Variants in DLGAP2 observed in about 807,000 individuals in gnomAD.
DLGAP2 encodes the protein DLG associated protein 2.
Under a neutral mutation model 100.3 loss-of-function variants are expected in DLGAP2, and 26 were observed. The ratio of observed to expected loss-of-function variants is 0.26; its 90% CI spans 0.19 to 0.36. The LOEUF (loss-of-function observed/expected upper bound fraction) is 0.36, where lower values mean the gene tolerates loss of function less well. Ranked by LOEUF, DLGAP2 falls within the 10% of genes least tolerant of loss-of-function variation. DLGAP2 has a pLI of 1.00. For synonymous variants in DLGAP2, 886 were observed against 630.1 expected (o/e 1.41, Z -6.08); for missense variants, 1,858 against 1,453.2 (o/e 1.28, Z -4.53).
chr8:1,549,592 A>C lies in DLGAP2; in HGVS notation c.1139A>C (p.Lys380Thr). The change falls in exon 5 of 15, where the codon AAG (lysine) becomes ACG (threonine). Residue 380 changes from lysine (K) to threonine (T), a missense_variant. By Grantham distance (78) the Lys-to-Thr change is moderately conservative. Coordinates refer to ENST00000637795, the MANE Select transcript of DLGAP2 (RefSeq NM_001346810.2). ...SWSTLTVSQA[K>T]EAYRKSSLNL... Reference sequence around the variant, plus strand: ...TCTACGCTGACGGTCAGCCAGGCCAAGGAGGCCTACCGCAAGAGCTCGCTG... The same window carrying C: ...TCTACGCTGACGGTCAGCCAGGCCACGGAGGCCTACCGCAAGAGCTCGCTG... 1 of 1,610,414 alleles carries C rather than the reference A, an allele frequency of 6.2e-7. No homozygotes were observed. Among genetic ancestry groups the C allele is most frequent in the Non-Finnish European group, 8.5e-7 (1 of 1,179,080 alleles).
At chr8:1,280,395 T>C (rs190574698) in intron 3 of DLGAP2, among the ~76,000 whole-genome samples, 1 of 152,238 alleles carries the variant, frequency 6.6e-6, no homozygotes, top group African/African-American at 2.4e-5. Flanking sequence ...TCATAATACT[T>C]ATTTATCTCT....
intron 6 of DLGAP2, chr8:1,621,442 G>T (rs971007852): frequency 9.2e-5 from 14 of 152,428 alleles, no homozygotes; most frequent in African/African-American, 3.1e-4. Context: ...GCCAGAAGAG[G>T]TTGTCCACAC....
chr8:873,659 C>G (rs909570161), intron 1 of DLGAP2, among the ~76,000 whole-genome samples: 1 of 151,844 alleles, frequency 6.6e-6, no homozygotes, highest in Non-Finnish European at 1.5e-5. Flanking sequence ...ATTTGCCTGG[C>G]TTTGATATTA....
chr8:935,238 A>G (rs552757439), intron 2 of DLGAP2, among the ~76,000 whole-genome samples: 1 of 152,282 alleles, frequency 6.6e-6, no homozygotes, highest in Non-Finnish European at 1.5e-5. Flanking sequence ...AAGGGCTCAG[A>G]GATGTGCTCT....
chr8:1,006,675 G>T (rs932968740), intron 2 of DLGAP2, among the ~76,000 whole-genome samples: 1 of 96,984 alleles, frequency 1.0e-5, no homozygotes, highest in Non-Finnish European at 1.9e-5. Context: ...CACGTCGGGG[G>T]CGCCCTGCGT....
intron 2 of DLGAP2, among the ~76,000 whole-genome samples, chr8:974,807 A>G (rs900875309): frequency 1.3e-5 from 2 of 152,222 alleles, no homozygotes; most frequent in Admixed American, 1.3e-4. Flanking sequence ...AGTAAGATCC[A>G]AAATCAATCA....
At chr8:796,651 G>C (rs548650524) in intron 1 of DLGAP2, among the ~76,000 whole-genome samples, 18 of 152,278 alleles carry the variant, frequency 1.2e-4, no homozygotes, top group East Asian at 9.7e-4. Context: ...TGCTTTTTCA[G>C]ACACACAAGC....
chr8:1,330,431 CTG>C, intron 3 of DLGAP2, among the ~76,000 whole-genome samples: 1 of 135,510 alleles, frequency 7.4e-6, no homozygotes, highest in African/African-American at 2.8e-5. Context: ...TTCGCGGGGA[CTG>C]AGTTCTGGGT....
intron 3 of DLGAP2, among the ~76,000 whole-genome samples, chr8:1,337,299 T>TGAG (rs543215246): frequency 2.2e-5 from 3 of 138,650 alleles, no homozygotes; most frequent in Non-Finnish European, 4.7e-5. Flanking sequence ...ATGGTGATGA[T>TGAG]GAGGATGATG....
At chr8:959,677 T>C (rs1799677665) in intron 2 of DLGAP2, among the ~76,000 whole-genome samples, 1 of 152,188 alleles carries the variant, frequency 6.6e-6, no homozygotes, top group Non-Finnish European at 1.5e-5. Flanking sequence ...TTGTGAGAGT[T>C]AATTCATCAT....
intron 2 of DLGAP2, among the ~76,000 whole-genome samples, chr8:1,114,187 T>C (rs1215443945): frequency 6.6e-6 from 1 of 152,204 alleles, no homozygotes; most frequent in Admixed American, 6.5e-5. Flanking sequence ...TGCCAGGTTT[T>C]GGTATTAGGA....
At chr8:892,481 A>T (rs1462366462) in intron 1 of DLGAP2, among the ~76,000 whole-genome samples, 1 of 152,104 alleles carries the variant, frequency 6.6e-6, no homozygotes, top group African/African-American at 2.4e-5. Context: ...CACTCATACA[A>T]TGCCCCTGGG....
chr8:773,946 T>C (rs1238214020), intron 1 of DLGAP2, among the ~76,000 whole-genome samples: 1 of 152,220 alleles, frequency 6.6e-6, no homozygotes, highest in Non-Finnish European at 1.5e-5. Flanking sequence ...ATGGTTGAAC[T>C]AGTTTACAGT....
intron 2 of DLGAP2, among the ~76,000 whole-genome samples, chr8:1,007,602 G>T (rs1364481749): frequency 2.1e-5 from 3 of 146,168 alleles, no homozygotes; most frequent in African/African-American, 7.7e-5. Context: ...CAGTGGTCCA[G>T]TGGTGGTCTT....
intron 2 of DLGAP2, among the ~76,000 whole-genome samples, chr8:1,007,554 G>A (rs949889952): frequency 6.6e-6 from 1 of 150,430 alleles, no homozygotes; most frequent in African/African-American, 2.4e-5. Flanking sequence ...AAGCCATGTG[G>A]CCATAGTCTG....
intron 3 of DLGAP2, among the ~76,000 whole-genome samples, chr8:1,299,512 A>C (rs988471891): frequency 6.6e-6 from 1 of 152,216 alleles, no homozygotes; most frequent in African/African-American, 2.4e-5. Flanking sequence ...GCATAAACGC[A>C]TAGGGAGGAA....
chr8:1,247,892 C>T (rs1323608915), intron 2 of DLGAP2, among the ~76,000 whole-genome samples: 1 of 5,582 alleles, frequency 1.8e-4, no homozygotes, highest in Non-Finnish European at 4.3e-4. Context: ...GCCAGGAAGA[C>T]CTTTGAGATC....
At chr8:1,557,652 G>T (rs190438023) in intron 5 of DLGAP2, among the ~76,000 whole-genome samples, 3 of 152,112 alleles carry the variant, frequency 2.0e-5, no homozygotes, top group Admixed American at 2.0e-4. Flanking sequence ...CATTCATTCC[G>T]CAGGGTCCTG....
intron 2 of DLGAP2, among the ~76,000 whole-genome samples, chr8:1,028,629 C>T (rs996161982): frequency 2.6e-5 from 4 of 152,224 alleles, no homozygotes; most frequent in African/African-American, 9.6e-5. Context: ...AGATGTTCCT[C>T]AGAAGCTGTA....
Sources: allele counts gnomAD v4.1 joint callset (sites outside exome capture counted in the v4.1 genomes callset), GRCh38; gene constraint gnomAD v4.1.1; transcripts MANE v1.5; gene names NCBI Gene and HGNC (gene_info 2026-07-23, HGNC 2026-07-21).